The following PCNX4 variants were observed in gnomAD, a reference collection of about 807,000 sequenced individuals.
The protein encoded by PCNX4 is pecanex 4.
In PCNX4, 103 loss-of-function variants were observed where a neutral mutation model predicts 107.2. That is an observed-to-expected ratio of 0.96 (90% CI 0.82 to 1.13). The LOEUF is 1.13. Among genes scored for constraint, PCNX4 ranks in the 50% most tolerant of loss-of-function variants. The pLI, the probability that PCNX4 is intolerant of heterozygous loss-of-function variation, is 0.00. For missense variants in PCNX4, 1,528 were observed against 1,379.4 expected (o/e 1.11, Z -1.71); for synonymous variants, 541 against 481.7 (o/e 1.12, Z -1.61).
At chr14:60,112,459 GAATT>G (rs1372764647) in intron 2 of PCNX4, among the ~76,000 whole-genome samples, 7 of 152,150 alleles carry the variant, frequency 4.6e-5, no homozygotes, top group African/African-American at 1.7e-4. Context: ...CCATATTAAA[GAATT>G]AACCACAATA....
chr14:60,106,891 G>C (rs1268422586), intron 1 of PCNX4, among the ~76,000 whole-genome samples: 2 of 152,136 alleles, frequency 1.3e-5, no homozygotes, highest in African/African-American at 4.8e-5. Flanking sequence ...AAGGAATAGG[G>C]AAAAGTTGAA....
Position 60,134,042 on chromosome 14 carries a change from G to T in PCNX4, c.3340G>T (p.Val1114Phe). The change falls in exon 11 of 11, where the codon GTT (valine) becomes TTT (phenylalanine). Residue 1114 changes from valine (V) to phenylalanine (F), a missense_variant. Physicochemically the swap from Val to Phe is conservative, Grantham distance 50. Coordinates refer to ENST00000406854, the MANE Select transcript of PCNX4 (RefSeq NM_001330177.2). ...IQVGKLNPEA[V>F]RGQWANLSWE... ...AGTGGGAAAGTTAAATCCTGAAGCT[G>T]TTAGAGGTCAGTGGGCCAATCTTTC... The T allele has an allele frequency of 2.5e-6, 4 of 1,613,828 alleles. No individual in the cohort carries two copies. The highest frequency in any genetic ancestry group is 1.6e-4 in the Middle Eastern group (1 of 6,062).
chr14:60,101,081 C>A (rs1269044907), intron 1 of PCNX4, among the ~76,000 whole-genome samples: 1 of 152,204 alleles, frequency 6.6e-6, no homozygotes, highest in Non-Finnish European at 1.5e-5. Context: ...CTGAACATTT[C>A]TTTTCTGTTG....
chr14:60,103,970 A>AT (rs1566930325), intron 1 of PCNX4, among the ~76,000 whole-genome samples: 1 of 152,226 alleles, frequency 6.6e-6, no homozygotes, highest in East Asian at 1.9e-4. Flanking sequence ...AAAACTCAAT[A>AT]AACAGTTTAT....
At chr14:60,108,394 T>A in intron 2 of PCNX4, 67 bp downstream of exon 2, 1 of 1,209,942 alleles carries the variant, frequency 8.3e-7, no homozygotes, top group Non-Finnish European at 1.1e-6. Context: ...AGAGCTTTCC[T>A]TTTAGTGTTA....
chr14:60,118,191 AAAATC>A (rs1214205880), intron 6 of PCNX4, 133 bp from the exon 7 acceptor site: 4 of 1,281,296 alleles, frequency 3.1e-6, no homozygotes, highest in Non-Finnish European at 4.0e-6. Context: ...AATTAACAAA[AAAATC>A]AAAGAATAAG....
chr14:60,115,575 CTTTTA>C (rs1895830861), intron 4 of PCNX4, 114 bp downstream of exon 4: 9 of 1,397,336 alleles, frequency 6.4e-6, no homozygotes, highest in Non-Finnish European at 8.6e-6. Context: ...AGTGTTTGTT[CTTTTA>C]TGTTATGGTT....
intron 2 of PCNX4, among the ~76,000 whole-genome samples, chr14:60,113,605 G>A (rs1187084507): frequency 5.3e-5 from 8 of 152,046 alleles, no homozygotes; most frequent in African/African-American, 1.9e-4. Flanking sequence ...CTGACCTCAG[G>A]TGATCTGCCC....
Position 60,124,219 on chromosome 14 carries a change from G to A in PCNX4, c.2048G>A (p.Gly683Glu). 6.4e-7 allele frequency: 1 copy of A among 1,568,598 alleles called. No individual in the cohort carries two copies. The highest frequency in any genetic ancestry group is 8.6e-7 in the Non-Finnish European group (1 of 1,157,600). The change falls in exon 9 of 11, where the codon GGG (glycine) becomes GAG (glutamate). Residue 683 changes from glycine to glutamate, a missense_variant and splice_region_variant. Gly to Glu is a moderately conservative substitution (Grantham distance 98). Coordinates refer to ENST00000406854, the MANE Select transcript of PCNX4 (RefSeq NM_001330177.2). Reference protein sequence around the residue: ...GYTYCSINIKGLELQETSCHT... With the variant: ...GYTYCSINIKELELQETSCHT... The stretch of plus-strand genomic sequence containing the variant: ...AAGTACTTTTTATTTCTTCTTTAGG[G>A]GTTAGAATTGCAGGAAACATCCTGT...
intron 2 of PCNX4, among the ~76,000 whole-genome samples, chr14:60,111,796 TTTTG>T (rs1895745519): frequency 6.6e-6 from 1 of 152,204 alleles, no homozygotes; most frequent in Non-Finnish European, 1.5e-5. Context: ...ACAAAGAGTT[TTTTG>T]TTTTTGTTTA....
chr14:60,097,308 C>T (rs1895443767), intron 1 of PCNX4, among the ~76,000 whole-genome samples: 1 of 152,148 alleles, frequency 6.6e-6, no homozygotes. Context: ...GGATACATCA[C>T]ACTTGAGTCA....
chr14:60,115,671 G>A (rs1449264063), intron 4 of PCNX4, 48 bp from the exon 5 acceptor site: 3 of 1,492,738 alleles, frequency 2.0e-6, no homozygotes, highest in Non-Finnish European at 1.8e-6. Flanking sequence ...TATGGTAGAA[G>A]GAGCTATTTT....
chr14:60,115,724 C>T lies in PCNX4; in HGVS notation c.1363C>T (p.Pro455Ser). The change falls in exon 5 of 11, where the codon CCT becomes TCT. Residue 455 changes from proline to serine, a missense_variant. Coordinates refer to ENST00000406854, the MANE Select transcript of PCNX4 (RefSeq NM_001330177.2). The part of the protein sequence containing the change: ...VRRILLTLVS[P>S]FAMIAFLSLD... ...CTCTTTTTGTTTTGTTTTAGTATCACCTTTTGCCATGATAGCATTTCTTTC... is the reference window on the plus strand; with the variant it reads ...CTCTTTTTGTTTTGTTTTAGTATCATCTTTTGCCATGATAGCATTTCTTTC... 4 of 1,611,412 alleles carry T rather than the reference C, an allele frequency of 2.5e-6. No individual in the cohort carries two copies. The highest frequency in any genetic ancestry group is 2.5e-6 in the Non-Finnish European group (3 of 1,178,138).
Position 60,118,364 on chromosome 14 carries a change from C to G in PCNX4, c.1614C>G (p.Ile538Met). 6.2e-7 allele frequency: 1 copy of G among 1,612,824 alleles called. No individual in the cohort carries two copies. The highest frequency in any genetic ancestry group is 8.5e-7 in the Non-Finnish European group (1 of 1,179,290). ...TACGTGATCGTTTGATTCAGTTCAT[C>G]TCTAAATTGCAGTTTGCCGTGACTG... is the stretch of plus-strand genomic sequence containing the variant. ...GIIRDRLIQF[I>M]SKLQFAVTVL... Residue 538 changes from isoleucine to methionine, a missense_variant, in exon 7 of 11, where the codon ATC (isoleucine) becomes ATG (methionine). Ile to Met is a conservative substitution (Grantham distance 10). Transcript: ENST00000406854.
intron 1 of PCNX4, among the ~76,000 whole-genome samples, chr14:60,104,321 A>G (rs1302934661): frequency 8.0e-5 from 1 of 12,574 alleles, no homozygotes; most frequent in Non-Finnish European, 6.3e-4. Flanking sequence ...TCCATCTCAA[A>G]AAAAAAAAAA....
chr14:60,093,285 A>G (rs564132606), intron 1 of PCNX4, among the ~76,000 whole-genome samples: 11 of 152,278 alleles, frequency 7.2e-5, no homozygotes, highest in African/African-American at 2.4e-4. Flanking sequence ...CCCTTACCAC[A>G]GTCAAGTTTG....
intron 2 of PCNX4, chr14:60,109,189 A>T (rs1230992311): frequency 6.0e-6 from 1 of 167,122 alleles, no homozygotes; most frequent in East Asian, 1.9e-4. Flanking sequence ...CAAGTCAAAG[A>T]AGAGAGCTCT....
At chr14:60,109,938 A>G (rs2140541593) in intron 2 of PCNX4, 1 of 167,264 alleles carries the variant, frequency 6.0e-6, no homozygotes, top group South Asian at 2.1e-4. Flanking sequence ...TGAAAGGAGC[A>G]GTTGGCTTCT....
chr14:60,132,506 TAGAA>T (rs1460732499), intron 10 of PCNX4, among the ~76,000 whole-genome samples: 1 of 152,138 alleles, frequency 6.6e-6, no homozygotes, highest in East Asian at 1.9e-4. Context: ...ATAAAAAACT[TAGAA>T]GGAAACATAA....
Sources: allele counts gnomAD v4.1 joint callset (sites outside exome capture counted in the v4.1 genomes callset), GRCh38; gene constraint gnomAD v4.1.1; transcripts MANE v1.5; gene names NCBI Gene and HGNC (gene_info 2026-07-23, HGNC 2026-07-21).